SLC24A3: variants seen among roughly 807,000 people sequenced by gnomAD.
The protein encoded by SLC24A3 is solute carrier family 24 member 3.
Under a neutral mutation model 75.8 loss-of-function variants are expected in SLC24A3, and 28 were observed. The ratio of observed to expected loss-of-function variants is 0.37; its 90% CI spans 0.27 to 0.51. SLC24A3 has a LOEUF of 0.51. SLC24A3 is among the 20% of genes least tolerant of loss of function. The probability of loss-of-function intolerance (pLI) is 0.94; values close to 1 mark genes in which losing one functional copy is unlikely to be tolerated. For synonymous variants in SLC24A3, 372 were observed against 334.1 expected, an observed-to-expected ratio of 1.11 and a Z score of -1.24; for missense variants, 663 against 847.8, an observed-to-expected ratio of 0.78 and a Z score of 2.71.
chr20:19,252,224 A>AC (rs1189078692), intron 1 of SLC24A3, among the ~76,000 whole-genome samples: 1 of 152,192 alleles, frequency 6.6e-6, no homozygotes, highest in African/African-American at 2.4e-5. Flanking sequence ...AGCAAATGTT[A>AC]CCCCAGACAA....
At chr20:19,523,839 G>A (rs1338813170) in intron 3 of SLC24A3, among the ~76,000 whole-genome samples, 1 of 152,098 alleles carries the variant, frequency 6.6e-6, no homozygotes, top group Admixed American at 6.5e-5. Context: ...TACCTTACTT[G>A]TCCCTCTGCT....
intron 2 of SLC24A3, among the ~76,000 whole-genome samples, chr20:19,301,716 C>G (rs192095236): frequency 1.3e-5 from 2 of 152,072 alleles, no homozygotes; most frequent in Admixed American, 6.5e-5. Context: ...GTTTTTTAGT[C>G]GCCCCCTTAT....
chr20:19,463,335 T>G (rs1166939321), intron 2 of SLC24A3, among the ~76,000 whole-genome samples: 1 of 152,206 alleles, frequency 6.6e-6, no homozygotes, highest in Non-Finnish European at 1.5e-5. Flanking sequence ...AGTGAGGTAC[T>G]CAAGGGCGCA....
chr20:19,588,557 T>A (rs769408279), intron 6 of SLC24A3, among the ~76,000 whole-genome samples: 81 of 152,134 alleles, frequency 5.3e-4, no homozygotes, highest in Middle Eastern at 3.4e-3. Flanking sequence ...CTTTGGGGAG[T>A]TTTATGGGAC....
chr20:19,711,222 C>T (rs911169485), intron 15 of SLC24A3, among the ~76,000 whole-genome samples: 3 of 152,202 alleles, frequency 2.0e-5, no homozygotes, highest in Middle Eastern at 3.2e-3. Flanking sequence ...CAAACGCACA[C>T]ACACATGCAG....
At chr20:19,390,268 G>A (rs989460641) in intron 2 of SLC24A3, among the ~76,000 whole-genome samples, 1 of 152,160 alleles carries the variant, frequency 6.6e-6, no homozygotes, top group African/African-American at 2.4e-5. Context: ...TTGGTGTCAT[G>A]TTTCCCTGAT....
At chr20:19,472,146 C>T (rs1208361922) in intron 2 of SLC24A3, among the ~76,000 whole-genome samples, 1 of 152,210 alleles carries the variant, frequency 6.6e-6, no homozygotes, top group Non-Finnish European at 1.5e-5. Flanking sequence ...TTGGTGAACG[C>T]TGTGAAGTGG....
chr20:19,422,493 C>T lies in SLC24A3; in HGVS notation c.272-92995C>T, dbSNP rs567268847. On this transcript the variant is annotated intron_variant, in intron 2 of 16. Transcript: ENST00000328041. ...TGTGATCAGTGGGGCTGTCAGGAAC[C>T]TGGCTTCTGACCTGGGCTATCCTGC... Among the ~76,000 whole-genome samples the T allele has an allele frequency of 1.1e-3, 165 of 152,286 alleles. 1 individual carries two copies. The highest frequency in any genetic ancestry group is 3.8e-3 in the African/African-American group (159 of 41,556).
chr20:19,378,302 T>A (rs1453046393), intron 2 of SLC24A3, among the ~76,000 whole-genome samples: 2 of 150,862 alleles, frequency 1.3e-5, no homozygotes, highest in African/African-American at 4.9e-5. Flanking sequence ...AAAAAAAAAA[T>A]AAAGTTATCC....
At chr20:19,320,159 C>T (rs1054151261) in intron 2 of SLC24A3, among the ~76,000 whole-genome samples, 1 of 152,198 alleles carries the variant, frequency 6.6e-6, no homozygotes, top group Admixed American at 6.5e-5. Flanking sequence ...TGTCCCTTGT[C>T]CTGCTCTGTA....
At chr20:19,461,268 C>T (rs1987666005) in intron 2 of SLC24A3, among the ~76,000 whole-genome samples, 1 of 152,050 alleles carries the variant, frequency 6.6e-6, no homozygotes, top group Admixed American at 6.5e-5. Flanking sequence ...CTGTCCTCCA[C>T]CTTAAGTTTG....
chr20:19,706,466 T>G (rs1439525605), intron 15 of SLC24A3, among the ~76,000 whole-genome samples: 4 of 152,100 alleles, frequency 2.6e-5, no homozygotes, highest in African/African-American at 4.8e-5. Flanking sequence ...GAATCCAAGA[T>G]TATCAGGACA....
chr20:19,440,652 T>G (rs1004628666), intron 2 of SLC24A3, among the ~76,000 whole-genome samples: 20 of 146,900 alleles, frequency 1.4e-4, no homozygotes, highest in Non-Finnish European at 2.5e-4. Flanking sequence ...ACTGTTTTTT[T>G]TTTTTTTTTT....
intron 6 of SLC24A3, among the ~76,000 whole-genome samples, chr20:19,599,316 G>T (rs2031494046): frequency 6.6e-6 from 1 of 152,322 alleles, no homozygotes; most frequent in East Asian, 1.9e-4. Context: ...GAGGAGGAGG[G>T]CGCCCTAGAC....
At position 19,354,377 on chromosome 20, in the gene SLC24A3, C is replaced by T. The variant is rs1391732963; in HGVS notation, c.271+73290C>T. Among the ~76,000 whole-genome samples, 4 of 151,954 alleles carry T rather than the reference C, an allele frequency of 2.6e-5. No individual in the cohort carries two copies. In the East Asian group the frequency reaches 5.8e-4, roughly 22 times the overall value. ...GAGGCAATAGGAGCAGAAAGCAGCTCAGTAATGTTATGGGGGTCAGGTGCA... is the reference window on the plus strand; with the variant it reads ...GAGGCAATAGGAGCAGAAAGCAGCTTAGTAATGTTATGGGGGTCAGGTGCA... On this transcript the variant is annotated intron_variant, in intron 2 of 16. Transcript: ENST00000328041.
chr20:19,265,467 G>A (rs1457176126), intron 1 of SLC24A3, among the ~76,000 whole-genome samples: 1 of 152,198 alleles, frequency 6.6e-6, no homozygotes, highest in East Asian at 1.9e-4. Flanking sequence ...AAGGGCTGGG[G>A]AAGAGCGTTA....
chr20:19,686,363 G>A lies in SLC24A3; in HGVS notation c.1324+1002G>A, dbSNP rs77915388. Among the ~76,000 whole-genome samples, 57 of 152,300 alleles carry A rather than the reference G, an allele frequency of 3.7e-4. 1 individual carries two copies. Among genetic ancestry groups the A allele is most frequent in the African/African-American group, 1.3e-3 (55 of 41,562 alleles). On this transcript the variant is annotated intron_variant, in intron 12 of 16. Transcript: ENST00000328041. ...AACTGCTGCCTCCAACAAGGACTTG[G>A]TTGTTCCAGAAACTGTTTCACCCCA... is the stretch of plus-strand genomic sequence containing the variant.
intron 2 of SLC24A3, among the ~76,000 whole-genome samples, chr20:19,334,523 G>T (rs1324257107): frequency 6.6e-6 from 1 of 152,034 alleles, no homozygotes; most frequent in Non-Finnish European, 1.5e-5. Flanking sequence ...CTTTTTCACT[G>T]GTAAAGTTGG....
intron 1 of SLC24A3, among the ~76,000 whole-genome samples, chr20:19,276,506 GTGAC>G (rs1398625748): frequency 6.6e-6 from 1 of 152,240 alleles, no homozygotes; most frequent in Non-Finnish European, 1.5e-5. Flanking sequence ...TGTACGGCAA[GTGAC>G]TGACTGTACT....
Sources: allele counts gnomAD v4.1 joint callset (sites outside exome capture counted in the v4.1 genomes callset), GRCh38; gene constraint gnomAD v4.1.1; transcripts MANE v1.5; gene names NCBI Gene and HGNC (gene_info 2026-07-23, HGNC 2026-07-21).